Variants in DIAPH3 observed in about 807,000 individuals in gnomAD.
DIAPH3 encodes the protein diaphanous related formin 3, also known as protein diaphanous homolog 3.
DIAPH3 carries 117 observed loss-of-function variants against 144.3 expected under a neutral mutation model. The observed-to-expected ratio is 0.81, with a 90% confidence interval of 0.70 to 0.95. The LOEUF is 0.95. Among genes scored for constraint, DIAPH3 ranks in the 40% least tolerant of loss-of-function variants. The pLI is 0.00. For synonymous variants in DIAPH3, 519 were observed against 488.9 expected, an observed-to-expected ratio of 1.06 and a Z score of -0.81; for missense variants, 1,421 against 1,412.7, an observed-to-expected ratio of 1.01 and a Z score of -0.09.
intron 13 of DIAPH3, among the ~76,000 whole-genome samples, chr13:59,983,207 A>T (rs1364144494): frequency 3.4e-4 from 8 of 23,558 alleles, no homozygotes; most frequent in African/African-American, 8.3e-4. Flanking sequence ...TCCAAGTTTA[A>T]AAAAAAAAAA....
intron 20 of DIAPH3, among the ~76,000 whole-genome samples, chr13:59,889,039 C>G (rs2045627388): frequency 6.6e-6 from 1 of 151,956 alleles, no homozygotes. Context: ...TTATCATTTT[C>G]TCTTTTTCTT....
chr13:59,699,447 CCCTTGGTCT>C (rs1398987437), intron 27 of DIAPH3, among the ~76,000 whole-genome samples: 1 of 152,142 alleles, frequency 6.6e-6, no homozygotes, highest in African/African-American at 2.4e-5. Flanking sequence ...GATGGTTTGG[CCCTTGGTCT>C]CTTACTTCAC....
chr13:59,773,463 C>A (rs1056287129), intron 27 of DIAPH3, among the ~76,000 whole-genome samples: 2 of 152,146 alleles, frequency 1.3e-5, no homozygotes, highest in East Asian at 3.9e-4. Flanking sequence ...TAGTGACAAT[C>A]TCACTTTGAA....
chr13:60,061,978 C>T (rs1175375145), intron 4 of DIAPH3, among the ~76,000 whole-genome samples: 1 of 152,042 alleles, frequency 6.6e-6, no homozygotes, highest in Admixed American at 6.6e-5. Context: ...TGTTCAAATC[C>T]TATCTGCTCC....
At chr13:59,879,163 C>G in intron 21 of DIAPH3, 66 bp downstream of exon 21, 1 of 1,599,780 alleles carries the variant, frequency 6.3e-7, no homozygotes, top group Non-Finnish European at 8.5e-7. Flanking sequence ...TTAAATAATG[C>G]AATCAGGGCT....
intron 1 of DIAPH3, among the ~76,000 whole-genome samples, chr13:60,139,343 G>A (rs1420660710): frequency 6.6e-6 from 1 of 152,180 alleles, no homozygotes; most frequent in African/African-American, 2.4e-5. Context: ...TTAGGAACAG[G>A]TGAGAATTAG....
chr13:59,969,155 T>TA (rs936641412), intron 17 of DIAPH3, among the ~76,000 whole-genome samples: 2 of 152,188 alleles, frequency 1.3e-5, no homozygotes, highest in African/African-American at 4.8e-5. Flanking sequence ...TTGGATGAAA[T>TA]AAGTTCAATT....
intron 17 of DIAPH3, among the ~76,000 whole-genome samples, chr13:59,928,819 C>T (rs977933053): frequency 6.6e-6 from 1 of 152,112 alleles, no homozygotes; most frequent in African/African-American, 2.4e-5. Context: ...GTCCTTCATC[C>T]CCGGGGCAGC....
intron 4 of DIAPH3, among the ~76,000 whole-genome samples, chr13:60,058,971 A>G (rs1369638685): frequency 1.3e-5 from 2 of 151,918 alleles, no homozygotes; most frequent in African/African-American, 2.4e-5. Context: ...ACCACTATCC[A>G]ATTCATACAT....
intron 27 of DIAPH3, among the ~76,000 whole-genome samples, chr13:59,772,580 T>C (rs1386827272): frequency 2.0e-5 from 3 of 152,260 alleles, no homozygotes; most frequent in Admixed American, 1.3e-4. Context: ...TTATACGTAA[T>C]TGTATCTGAG....
chr13:59,695,975 C>T (rs984164743), intron 27 of DIAPH3: 38 of 152,232 alleles, frequency 2.5e-4, no homozygotes, highest in African/African-American at 8.9e-4. Flanking sequence ...AGAACTAGAA[C>T]TAAGTTAACA....
chr13:59,835,667 A>C (rs1168495372), intron 23 of DIAPH3, among the ~76,000 whole-genome samples: 1 of 151,808 alleles, frequency 6.6e-6, no homozygotes, highest in African/African-American at 2.4e-5. Flanking sequence ...GAAAGTGAGA[A>C]GACTAATTCA....
intron 22 of DIAPH3, among the ~76,000 whole-genome samples, chr13:59,858,633 T>C (rs2043395451): frequency 6.6e-6 from 1 of 152,168 alleles, no homozygotes; most frequent in South Asian, 2.1e-4. Flanking sequence ...TTTTACTCTT[T>C]AATAAAATTT....
chr13:60,012,649 C>G (rs2053354582), intron 7 of DIAPH3: 1 of 152,538 alleles, frequency 6.6e-6, no homozygotes, highest in Non-Finnish European at 1.5e-5. Context: ...ACCTGGTTGT[C>G]CTTAGCTAAC....
chr13:60,106,278 A>T (rs1431592272), intron 3 of DIAPH3, among the ~76,000 whole-genome samples: 1 of 152,150 alleles, frequency 6.6e-6, no homozygotes, highest in Non-Finnish European at 1.5e-5. Context: ...AAACAAACCC[A>T]CATGTGCACA....
intron 15 of DIAPH3, among the ~76,000 whole-genome samples, chr13:59,973,403 G>T: frequency 6.6e-6 from 1 of 151,316 alleles, no homozygotes; most frequent in Non-Finnish European, 1.5e-5. Context: ...CAATATGAGA[G>T]ACAAGGAACC....
intron 17 of DIAPH3, among the ~76,000 whole-genome samples, chr13:59,926,999 G>A (rs900766303): frequency 6.6e-6 from 1 of 152,094 alleles, no homozygotes; most frequent in Non-Finnish European, 1.5e-5. Flanking sequence ...AAATCTGGGT[G>A]TTCTGGCGCT....
intron 20 of DIAPH3, among the ~76,000 whole-genome samples, chr13:59,888,857 A>C (rs1227144570): frequency 6.6e-6 from 1 of 151,652 alleles, no homozygotes; most frequent in Non-Finnish European, 1.5e-5. Context: ...TTAGATAGAG[A>C]ATTCTGAGTT....
chr13:59,773,016 C>T (rs2038205338), intron 27 of DIAPH3, among the ~76,000 whole-genome samples: 1 of 152,066 alleles, frequency 6.6e-6, no homozygotes, highest in African/African-American at 2.4e-5. Flanking sequence ...CTACTCTCTA[C>T]AGGTTTTGCC....
Sources: allele counts gnomAD v4.1 joint callset (sites outside exome capture counted in the v4.1 genomes callset), GRCh38; gene constraint gnomAD v4.1.1; transcripts MANE v1.5; gene names NCBI Gene and HGNC (gene_info 2026-07-23, HGNC 2026-07-21).